The following DENND2C variants were observed in gnomAD, a reference collection of about 807,000 sequenced individuals.
DENND2C encodes DENN domain containing 2C.
In DENND2C, 72 loss-of-function variants were observed where a neutral mutation model predicts 112.4. The observed-to-expected ratio is 0.64, with a 90% CI of 0.53 to 0.78. The LOEUF (loss-of-function observed/expected upper bound fraction) is 0.78, where lower values mean the gene tolerates loss of function less well. DENND2C is among the 30% of genes least tolerant of loss of function. The probability of loss-of-function intolerance (pLI) is 0.00; values close to 1 mark genes in which losing one functional copy is unlikely to be tolerated. For synonymous variants in DENND2C, 329 were observed against 381.6 expected, an observed-to-expected ratio of 0.86 and a Z score of 1.61; for missense variants, 992 against 1,113.8, an observed-to-expected ratio of 0.89 and a Z score of 1.56.
chr1:114,646,942 C>T (rs1657005146), intron 2 of DENND2C, among the ~76,000 whole-genome samples: 1 of 151,986 alleles, frequency 6.6e-6, no homozygotes, highest in Non-Finnish European at 1.5e-5. Context: ...GGAGGATCAC[C>T]TGAGGTCGGG....
At chr1:114,630,048 C>T (rs1656444918) in intron 3 of DENND2C, among the ~76,000 whole-genome samples, 1 of 152,186 alleles carries the variant, frequency 6.6e-6, no homozygotes, top group Non-Finnish European at 1.5e-5. Flanking sequence ...GGCGTGGTGG[C>T]TCACGCCTGT....
In DENND2C at chr1:114,618,461, T is replaced by A; in HGVS notation, c.1249A>T (p.Ile417Leu). ...LPRLVLKIDD[I>L]FESKRGKKKV... ...TTCTTCCCTCTTTTAGATTCAAATA[T>A]GTCATCTATTTTCAATACAAGCTGA... Residue 417 changes from isoleucine (I) to leucine (L), a missense_variant, in exon 8 of 21, where the codon ATA becomes TTA. This residue lies in a region of DENND2C where 516 missense variants were observed against 623.6 expected (regional missense o/e 0.83). Transcript: ENST00000393274. 4 of 1,587,340 alleles carry A rather than the reference T, an allele frequency of 2.5e-6. No individual in the cohort carries two copies. Among genetic ancestry groups the A allele is most frequent in the Non-Finnish European group, 3.4e-6 (4 of 1,169,312 alleles).
At chr1:114,610,780 C>T (rs976387119) in intron 9 of DENND2C, among the ~76,000 whole-genome samples, 9 of 152,166 alleles carry the variant, frequency 5.9e-5, no homozygotes, top group African/African-American at 1.9e-4. Flanking sequence ...GAAACTACTG[C>T]ATATATGTCT....
chr1:114,631,488 T>C lies in DENND2C; in HGVS notation c.-204-5300A>G, dbSNP rs1479989924. On this transcript the variant is annotated intron_variant, in intron 3 of 20. Transcript: ENST00000393274. ...TATACCCAGGAGAAAAATCAATCAA[T>C]AGAAGTAGAACCGGGCCAGGCGTGG... Among the ~76,000 whole-genome samples the C allele has an allele frequency of 2.0e-5, 3 of 151,142 alleles. No individual in the cohort carries two copies. The East Asian group carries it at 5.9e-4, about 30-fold the overall frequency.
intron 2 of DENND2C, among the ~76,000 whole-genome samples, chr1:114,651,272 C>CACAT (rs1347328421): frequency 2.2e-5 from 2 of 89,200 alleles, no homozygotes; most frequent in Non-Finnish European, 4.5e-5. Context: ...ACCTTCCCTA[C>CACAT]ACATACACAC....
chr1:114,623,016 G>C lies in DENND2C; in HGVS notation c.1027C>G (p.Pro343Ala). 6.2e-7 allele frequency: 1 copy of C among 1,613,328 alleles called. No individual in the cohort carries two copies. Among genetic ancestry groups the C allele is most frequent in the Non-Finnish European group, 8.5e-7 (1 of 1,179,612 alleles). Residue 343 changes from proline (P) to alanine (A), a missense_variant, in exon 6 of 21, where the codon CCC becomes GCC. By Grantham distance (27) the Pro-to-Ala change is conservative. Transcript: ENST00000393274. ...WRSPSAWKLP[P>A]AKSAFKAPKL... ...GGTGCTTTAAAAGCACTTTTAGCGG[G>C]TGGTAGCTTCCATGCTGAAGGGGAT...
rs76358975 is a variant in DENND2C, at chr1:114,617,212, C to T, written c.1324+1174G>A. On this transcript the variant is annotated intron_variant, in intron 8 of 20. Transcript: ENST00000393274. ...CCAGACAACCAAGTTAAGAATCTTGCGTAAGTTTTTAAGAAAGTTCTAATG... is the reference window on the plus strand; with the variant it reads ...CCAGACAACCAAGTTAAGAATCTTGTGTAAGTTTTTAAGAAAGTTCTAATG... Among the ~76,000 whole-genome samples the T allele has an allele frequency of 5.5e-3, 838 of 152,178 alleles. 8 individuals carry two copies. The highest frequency in any genetic ancestry group is 0.018 in the African/African-American group (741 of 41,524).
chr1:114,602,044 A>C, intron 12 of DENND2C, 81 bp downstream of exon 12: 218 of 1,339,868 alleles, frequency 1.6e-4, no homozygotes, highest in Non-Finnish European at 2.0e-4. Flanking sequence ...AAACTCATCT[A>C]GAGATAGTGT....
intron 7 of DENND2C, among the ~76,000 whole-genome samples, chr1:114,621,106 T>C (rs1656150929): frequency 6.6e-6 from 1 of 152,180 alleles, no homozygotes; most frequent in Admixed American, 6.5e-5. Flanking sequence ...TTTCATATAA[T>C]TTCTTAAGTG....
chr1:114,592,892 A>C (rs559651456), intron 18 of DENND2C, among the ~76,000 whole-genome samples: 2 of 152,148 alleles, frequency 1.3e-5, no homozygotes, highest in Non-Finnish European at 2.9e-5. Flanking sequence ...AATCGTCGCC[A>C]TACTTGGTCT....
At chr1:114,620,207 G>C (rs1331482594) in intron 7 of DENND2C, among the ~76,000 whole-genome samples, 1 of 152,136 alleles carries the variant, frequency 6.6e-6, no homozygotes, top group African/African-American at 2.4e-5. Flanking sequence ...TATTGCATAA[G>C]GGACATCCTA....
At chr1:114,669,249 T>C (rs977197443) in intron 1 of DENND2C, among the ~76,000 whole-genome samples, 1 of 152,234 alleles carries the variant, frequency 6.6e-6, no homozygotes, top group Non-Finnish European at 1.5e-5. Context: ...TGTAGAATAC[T>C]GTCACTCATC....
intron 3 of DENND2C, among the ~76,000 whole-genome samples, chr1:114,642,984 T>C (rs1437914147): frequency 6.6e-6 from 1 of 152,196 alleles, no homozygotes; most frequent in Non-Finnish European, 1.5e-5. Flanking sequence ...ATTTGCATAT[T>C]GTTATACTTT....
intron 3 of DENND2C, among the ~76,000 whole-genome samples, chr1:114,628,569 A>G (rs1044571884): frequency 6.6e-5 from 10 of 152,254 alleles, no homozygotes; most frequent in Non-Finnish European, 2.9e-5. Flanking sequence ...AACTAGATCT[A>G]TGACTGTTAC....
chr1:114,643,932 T>C (rs1257654497), intron 3 of DENND2C, among the ~76,000 whole-genome samples: 1 of 152,190 alleles, frequency 6.6e-6, no homozygotes, highest in Non-Finnish European at 1.5e-5. Context: ...ACATGGTTGG[T>C]TATCCGCACT....
intron 2 of DENND2C, among the ~76,000 whole-genome samples, chr1:114,652,518 G>T (rs1657194987): frequency 6.6e-6 from 1 of 152,036 alleles, no homozygotes; most frequent in Non-Finnish European, 1.5e-5. Context: ...TTTCAATTCA[G>T]TATAGTAATC....
chr1:114,600,564 A>C (rs1448824842), intron 14 of DENND2C, among the ~76,000 whole-genome samples: 1 of 152,200 alleles, frequency 6.6e-6, no homozygotes, highest in African/African-American at 2.4e-5. Context: ...TAGTATATAC[A>C]GTCTTCATTT....
chr1:114,668,476 ATT>A (rs1485176774), intron 1 of DENND2C, among the ~76,000 whole-genome samples: 3 of 151,618 alleles, frequency 2.0e-5, no homozygotes, highest in Admixed American at 6.6e-5. Context: ...AAAAATAAAT[ATT>A]CTTCCTTTAT....
Position 114,622,071 on chromosome 1 carries a change from A to C in DENND2C, c.1057-6T>G, listed in dbSNP as rs1656183140. ...AACTGAGGTTTTGGAGGGAGCTAAA[A>C]CAGGAGAAGATGTACTGGTAAGATC... is the stretch of plus-strand genomic sequence containing the variant. On this transcript the variant is annotated splice_polypyrimidine_tract_variant and splice_region_variant and intron_variant, in intron 6 of 20. Transcript: ENST00000393274. The C allele has an allele frequency of 6.5e-7, 1 of 1,527,214 alleles. No homozygotes were observed. The highest frequency in any genetic ancestry group is 2.2e-5 in the Admixed American group (1 of 45,324). 94.6% of individuals were successfully genotyped at this position (1,527,214 alleles called of 1,614,324 possible). A position where few individuals can be genotyped will look rare whatever the true frequency, so the allele number is the denominator to read the frequency against.
Sources: gnomAD v4.1 joint callset for allele counts (sites outside exome capture counted in the v4.1 genomes callset) on GRCh38, gnomAD v4.1.1 for gene constraint, gnomAD v4.1.1 regional missense constraint, MANE v1.5 for transcripts, NCBI Gene and HGNC (gene_info 2026-07-23, HGNC 2026-07-21) for gene names.